MROH6: variants seen among roughly 807,000 people sequenced by gnomAD.
MROH6 encodes the protein maestro heat-like repeat-containing protein family member 6.
Under a neutral mutation model 67.7 loss-of-function variants are expected in MROH6, and 62 were observed. The ratio of observed to expected loss-of-function variants is 0.92; its 90% confidence interval spans 0.75 to 1.13. The LOEUF is 1.13. MROH6 is among the 50% of genes most tolerant of loss of function. The pLI is 0.00. For missense variants in MROH6, 1,175 were observed against 1,029.1 expected (o/e 1.14, Z -1.94); for synonymous variants, 566 against 470.8 (o/e 1.20, Z -2.62).
At position 143,569,563 on chromosome 8, in the gene MROH6, C is replaced by T; in HGVS notation, c.1354G>A (p.Gly452Ser). Reference sequence around the variant, plus strand: ...GCTGCACCCACGAGCCGCGCGTCGCCTTCGCCCAGTGCGCCCAGGAGCGCC... The same window carrying T: ...GCTGCACCCACGAGCCGCGCGTCGCTTTCGCCCAGTGCGCCCAGGAGCGCC... Reference protein sequence around the residue: ...LPALLGALGEGDARLVGAALG... With the variant: ...LPALLGALGESDARLVGAALG... Residue 452 changes from glycine to serine, a missense_variant, in exon 9 of 14, where the codon GGC becomes AGC. Transcript: ENST00000398882. 5 of 1,551,962 alleles carry T rather than the reference C, an allele frequency of 3.2e-6. No homozygotes were observed. Among genetic ancestry groups the T allele is most frequent in the Non-Finnish European group, 4.3e-6 (5 of 1,155,248 alleles).
chr8:143,567,442 G>T lies in MROH6; in HGVS notation c.1957C>A (p.Pro653Thr). The T allele has an allele frequency of 7.3e-7, 1 of 1,361,568 alleles. No individual in the cohort carries two copies. The highest frequency in any genetic ancestry group is 3.5e-5 in the Admixed American group (1 of 28,200). 84.3% of individuals were successfully genotyped at this position (1,361,568 alleles called of 1,614,324 possible). The change falls in exon 14 of 14, where the codon CCC (proline) becomes ACC (threonine). Residue 653 changes from proline to threonine, a missense_variant. Coordinates refer to ENST00000398882, the MANE Select transcript of MROH6 (RefSeq NM_001100878.2). The stretch of plus-strand genomic sequence containing the variant: ...GCTGCCGCGGCCACAGCCGGCTTGG[G>T]GTCGCTCTGCAGTCGCCCTAGGTCT... ...FQDLGRLQSD[P>T]KPAVAAAAHV... is the part of the protein sequence containing the mutation.
In MROH6 at chr8:143,572,556, C is replaced by T. The variant is rs1238998160; in HGVS notation, c.159G>A (p.Glu53=). The T allele has an allele frequency of 1.9e-6, 3 of 1,606,902 alleles. No homozygotes were observed. The highest frequency in any genetic ancestry group is 1.7e-5 in the Admixed American group (1 of 59,512). ...TGAGTGCCTGGGTCTGTGGCTCAGC[C>T]TCAGGTTTGACCTCCCAGGACTTGG... ...PQPKSWEVKP[E]AEPQTQALTA... The change falls in exon 1 of 14, where the codon GAG becomes GAA. Residue 53 remains glutamate (E), a synonymous_variant. Transcript: ENST00000398882.
intron 3 of MROH6, among the ~76,000 whole-genome samples, 190 bp from the exon 4 acceptor site, chr8:143,571,184 T>G (rs1235797525): frequency 2.0e-5 from 3 of 152,188 alleles, no homozygotes; most frequent in African/African-American, 7.2e-5. Context: ...GACCACAACA[T>G]AGCCTATCTC....
At chr8:143,567,509 G>A (rs1483231752) in intron 13 of MROH6, 44 bp from the exon 14 acceptor site, 21 of 1,443,198 alleles carry the variant, frequency 1.5e-5, no homozygotes, top group South Asian at 4.3e-5. Context: ...CAGGAGGGCC[G>A]AGTGCCCGGG....
intron 9 of MROH6, among the ~76,000 whole-genome samples, 162 bp downstream of exon 9, chr8:143,569,254 CGGGGCGGGGCCTGGGAGGGAGACTG>C (rs1416857253): frequency 0.018 from 1,181 of 66,600 alleles, 47 homozygotes; most frequent in African/African-American, 0.073. Flanking sequence ...ACAGGAGGGG[CGGGGCGGGGCCTGGGAGGGAGACTG>C]GGGGCGGGGC....
chr8:143,570,665 G>A lies in MROH6; in HGVS notation c.721-8C>T, dbSNP rs545716951. On this transcript the variant is annotated splice_region_variant and splice_polypyrimidine_tract_variant and intron_variant, in intron 4 of 13. Transcript: ENST00000398882. ...CCCAAGAGCACGTGTGGCCTGTGGA[G>A]CAAGTGGCCCACTCAGGCCTGGGGC... 6.3e-7 allele frequency: 1 copy of A among 1,587,894 alleles called. No homozygotes were observed. Among genetic ancestry groups the A allele is most frequent in the South Asian group, 1.1e-5 (1 of 89,814 alleles).
rs750728201 is a variant in MROH6 at position 143,570,071 on chromosome 8, G to T, written c.1044-6C>A. The T allele has an allele frequency of 1.1e-5, 17 of 1,608,102 alleles. No individual in the cohort carries two copies. The highest frequency in any genetic ancestry group is 1.4e-5 in the Non-Finnish European group (16 of 1,178,362). On this transcript the variant is annotated splice_region_variant and splice_polypyrimidine_tract_variant and intron_variant, in intron 6 of 13. Transcript: ENST00000398882. The stretch of plus-strand genomic sequence containing the variant: ...CGGCATGTGCCACCATAGCACTGGG[G>T]TGGGTGGAAATGGGAGCTCTCGCTC...
Position 143,567,407 on chromosome 8 carries a change from G to GGACAC in MROH6, c.1987_1991dup (p.Ala665CysfsTer156). On this transcript the variant is annotated frameshift_variant, in exon 14 of 14. Transcript: ENST00000398882. LOFTEE classifies it low-confidence loss of function (END_TRUNC). ...GGGCCAGCATCGCCACCTGCTGAGC[G>GGACAC]GACACGTGCGCTGCCGCGGCCACAG... The GGACAC allele has an allele frequency of 7.7e-7, 1 of 1,292,340 alleles. No individual in the cohort carries two copies. Among genetic ancestry groups the GGACAC allele is most frequent in the Non-Finnish European group, 9.8e-7 (1 of 1,019,486 alleles). 80.1% of individuals were successfully genotyped at this position (1,292,340 alleles called of 1,614,324 possible). A position where few individuals can be genotyped will look rare whatever the true frequency, so the allele number is the denominator to read the frequency against.
In MROH6 at chr8:143,572,146, G is replaced by C; in HGVS notation, c.334C>G (p.Leu112Val). Residue 112 changes from leucine to valine, a missense_variant, in exon 2 of 14, where the codon CTC (leucine) becomes GTC (valine). Physicochemically the swap from Leu to Val is conservative, Grantham distance 32. Coordinates refer to ENST00000398882, the MANE Select transcript of MROH6 (RefSeq NM_001100878.2). ...SSWEEGVLAD[L>V]ALYTAACLEE... ...AGGCAGGCAGCCGTGTACAACGCGA[G>C]GTCGGCAAGAACTCCCTCCTCCCAG... is the stretch of plus-strand genomic sequence containing the variant. The C allele has an allele frequency of 4.3e-6, 7 of 1,613,052 alleles. No individual in the cohort carries two copies. The highest frequency in any genetic ancestry group is 5.9e-6 in the Non-Finnish European group (7 of 1,179,880).
rs967717169 is a variant in MROH6, at chr8:143,567,364, G to A, written c.2035C>T (p.Arg679Cys). The change falls in exon 14 of 14, where the codon CGC becomes TGC. Residue 679 changes from arginine (R) to cysteine (C), a missense_variant. Physicochemically the swap from Arg to Cys is radical, Grantham distance 180 (BLOSUM62 -3). Transcript: ENST00000398882. ...GCGATGCGGAGAAGGCGGGGCCCGC[G>A]GGGGCAGCCCCGGGCACGGGCCAGC... ...AMLARARGCP[R>C]GPRLLRIAPR... 23 of 1,222,828 alleles carry A rather than the reference G, an allele frequency of 1.9e-5. No individual in the cohort carries two copies. Among genetic ancestry groups the A allele is most frequent in the African/African-American group, 6.3e-5 (4 of 63,514 alleles). The allele number at this position is 1,222,828 out of a possible 1,614,324, so 75.7% of individuals were successfully genotyped here. A position where few individuals can be genotyped will look rare whatever the true frequency, so the allele number is the denominator to read the frequency against.
In MROH6 at chr8:143,566,437, C is replaced by G. The variant is rs1024331530; in HGVS notation, c.*802G>C. On this transcript the variant is annotated 3_prime_UTR_variant, in exon 14 of 14. Transcript: ENST00000398882. ...GGTGCAGGGACCTGCCGCCCAAAGCCAGAGAGGTGAGGTCACAGCATCAGT... is the reference window on the plus strand; with the variant it reads ...GGTGCAGGGACCTGCCGCCCAAAGCGAGAGAGGTGAGGTCACAGCATCAGT... The G allele has an allele frequency of 6.6e-6, 1 of 152,286 alleles. No individual in the cohort carries two copies. Among genetic ancestry groups the G allele is most frequent in the Non-Finnish European group, 1.5e-5 (1 of 68,062 alleles). 9.4% of individuals were successfully genotyped at this position (152,286 alleles called of 1,614,324 possible).
In MROH6 at chr8:143,570,491, G is replaced by A. The variant is rs199587425; in HGVS notation, c.887C>T (p.Pro296Leu). Residue 296 changes from proline to leucine, a missense_variant, in exon 5 of 14, where the codon CCA becomes CTA. Transcript: ENST00000398882. The part of the protein sequence containing the change: ...PKIWVLSHRG[P>L]PHSHASCAVE... ...CTCTCACCTGGCATGGCTATGTGGT[G>A]GCCCTCGGTGGGACAGAACCCAAAT... 8.7e-6 allele frequency: 14 copies of A among 1,612,606 alleles called. No individual in the cohort carries two copies. Among genetic ancestry groups the A allele is most frequent in the Non-Finnish European group, 3.4e-6 (4 of 1,179,654 alleles).
chr8:143,567,191 G>T lies in MROH6; in HGVS notation c.*48C>A, dbSNP rs890982340. 3 of 1,090,312 alleles carry T rather than the reference G, an allele frequency of 2.8e-6. No homozygotes were observed. The highest frequency in any genetic ancestry group is 3.5e-6 in the Non-Finnish European group (3 of 862,418). 67.5% of individuals were successfully genotyped at this position (1,090,312 alleles called of 1,614,324 possible). A position where few individuals can be genotyped will look rare whatever the true frequency, so the allele number is the denominator to read the frequency against. ...AGGGCGGGGACAGGCTGCTATGCGC[G>T]TGGGGTGCCCGAGTCGGACCCTGGC... On this transcript the variant is annotated 3_prime_UTR_variant, in exon 14 of 14. Transcript: ENST00000398882.
Position 143,572,410 on chromosome 8 carries a change from T to C in MROH6, c.294+11A>G, listed in dbSNP as rs1185314696. 1 of 1,548,168 alleles carries C rather than the reference T, an allele frequency of 6.5e-7. No individual in the cohort carries two copies. Among genetic ancestry groups the C allele is most frequent in the Non-Finnish European group, 8.7e-7 (1 of 1,149,444 alleles). ...GCCGGTTCGCACAACATCCCTTCCC[T>C]CCCCCGTCACCTGGTGGGGCCCCTC... On this transcript the variant is annotated intron_variant, in intron 1 of 13. Transcript: ENST00000398882.
Position 143,567,440 on chromosome 8 carries a change from G to A in MROH6, c.1959C>T (p.Pro653=). Residue 653 remains proline (P), a synonymous_variant, in exon 14 of 14, where the codon CCC becomes CCT. Transcript: ENST00000398882. ...GCGCTGCCGCGGCCACAGCCGGCTT[G>A]GGGTCGCTCTGCAGTCGCCCTAGGT... is the stretch of plus-strand genomic sequence containing the variant. ...FQDLGRLQSD[P]KPAVAAAAHV... 1 of 1,355,428 alleles carries A rather than the reference G, an allele frequency of 7.4e-7. No homozygotes were observed. Among genetic ancestry groups the A allele is most frequent in the Admixed American group, 3.6e-5 (1 of 27,858 alleles). 84.0% of individuals were successfully genotyped at this position (1,355,428 alleles called of 1,614,324 possible).
chr8:143,572,249 T>C, intron 1 of MROH6, 64 bp from the exon 2 acceptor site: 1 of 1,582,816 alleles, frequency 6.3e-7, no homozygotes. Flanking sequence ...TCCTGGTCCC[T>C]CGGCCTCCCA....
chr8:143,568,304 G>A lies in MROH6; in HGVS notation c.1645-43C>T, dbSNP rs747955555. 5 of 1,568,556 alleles carry A rather than the reference G, an allele frequency of 3.2e-6. No homozygotes were observed. In the African/African-American group the frequency reaches 4.1e-5, roughly 13 times the overall value. On this transcript the variant is annotated intron_variant, in intron 10 of 13. Coordinates refer to ENST00000398882, the MANE Select transcript of MROH6 (RefSeq NM_001100878.2). ...AGCCGGGTCAGGGGTCCAGGAAGTAGAAAGGCAAAAGGTGGGGTGGGAAGA... is the reference window on the plus strand; with the variant it reads ...AGCCGGGTCAGGGGTCCAGGAAGTAAAAAGGCAAAAGGTGGGGTGGGAAGA...
At position 143,567,465 on chromosome 8, in the gene MROH6, T is replaced by C; in HGVS notation, c.1934A>G (p.Asp645Gly). 2 of 1,420,290 alleles carry C rather than the reference T, an allele frequency of 1.4e-6. No individual in the cohort carries two copies. The highest frequency in any genetic ancestry group is 3.0e-5 in the South Asian group (2 of 65,858). 88.0% of individuals were successfully genotyped at this position (1,420,290 alleles called of 1,614,324 possible). The change falls in exon 14 of 14, where the codon GAC (aspartate) becomes GGC (glycine). Residue 645 changes from aspartate to glycine, a missense_variant and splice_region_variant. Asp to Gly is a moderately conservative substitution (Grantham distance 94). Coordinates refer to ENST00000398882, the MANE Select transcript of MROH6 (RefSeq NM_001100878.2). ...GGGGTCGCTCTGCAGTCGCCCTAGG[T>C]CTGCGAGGAGATCGCGGCTCAGGCT... ...NQDLLDSLFQ[D>G]LGRLQSDPKP...
rs776229349 is a variant in MROH6 at position 143,567,494 on chromosome 8, G to A, written c.1934-29C>T. On this transcript the variant is annotated intron_variant, in intron 13 of 13. Transcript: ENST00000398882. ...CGAGGAGATCGCGGCTCAGGCTGGGGAGCCCAGGAGGGCCGAGTGCCCGGG... is the reference window on the plus strand; with the variant it reads ...CGAGGAGATCGCGGCTCAGGCTGGGAAGCCCAGGAGGGCCGAGTGCCCGGG... The A allele has an allele frequency of 4.9e-6, 7 of 1,433,262 alleles. No homozygotes were observed. In the South Asian group the frequency reaches 1.0e-4, roughly 21 times the overall value. 88.8% of individuals were successfully genotyped at this position (1,433,262 alleles called of 1,614,324 possible). A position where few individuals can be genotyped will look rare whatever the true frequency, so the allele number is the denominator to read the frequency against.
Sources: gnomAD v4.1 joint callset for allele counts (sites outside exome capture counted in the v4.1 genomes callset) on GRCh38, gnomAD v4.1.1 for gene constraint, MANE v1.5 for transcripts, NCBI Gene and HGNC (gene_info 2026-07-23, HGNC 2026-07-21) for gene names.